The following GALNT2 variants were observed in gnomAD, a reference collection of about 807,000 sequenced individuals.
GALNT2 encodes UDP-GalNAc:polypeptide N-acetylgalactosaminyltransferase 2.
In GALNT2, 31 loss-of-function variants were observed where a neutral mutation model predicts 81.4. That is an observed-to-expected ratio of 0.38 (90% confidence interval 0.29 to 0.51). The LOEUF (loss-of-function observed/expected upper bound fraction) is 0.51. GALNT2 is among the 20% of genes least tolerant of loss of function. GALNT2 has a pLI of 0.87. For missense variants in GALNT2, 629 were observed against 765.7 expected (o/e 0.82, Z 2.11); for synonymous variants, 303 against 287.4 (o/e 1.05, Z -0.55).
At chr1:230,081,078 C>T (rs901770046) in intron 1 of GALNT2, among the ~76,000 whole-genome samples, 1 of 152,176 alleles carries the variant, frequency 6.6e-6, no homozygotes, top group Admixed American at 6.5e-5. Flanking sequence ...CTACTTTCCT[C>T]GAAAGCGCCT....
At chr1:230,133,740 C>T (rs906038927) in intron 1 of GALNT2, among the ~76,000 whole-genome samples, 1 of 152,152 alleles carries the variant, frequency 6.6e-6, no homozygotes, top group African/African-American at 2.4e-5. Context: ...CAGGCATTAG[C>T]GCCACACCTG....
intron 1 of GALNT2, among the ~76,000 whole-genome samples, chr1:230,169,517 C>T (rs985347103): frequency 6.6e-6 from 1 of 152,190 alleles, no homozygotes; most frequent in Non-Finnish European, 1.5e-5. Context: ...CTGTGCGTAG[C>T]TATAGGGATT....
chr1:230,231,742 C>T (rs1035361973), intron 3 of GALNT2, among the ~76,000 whole-genome samples: 1 of 152,134 alleles, frequency 6.6e-6, no homozygotes, highest in Non-Finnish European at 1.5e-5. Flanking sequence ...CAGATCTTTA[C>T]ATGTCCAGTT....
rs548732181 is a variant in GALNT2, at chr1:230,234,350, T to C, written c.375-1664T>C. On this transcript the variant is annotated intron_variant, in intron 3 of 15. Coordinates refer to ENST00000366672, the MANE Select transcript of GALNT2 (RefSeq NM_004481.5). ...TTATTTCTGAGGTCTGTGAATCTCC[T>C]TCTTTCAAAGCACTCAGCATGCCAA... Among the ~76,000 whole-genome samples, 9 of 152,324 alleles carry C rather than the reference T, an allele frequency of 5.9e-5. 2 individuals carry two copies. Among genetic ancestry groups the C allele is most frequent in the African/African-American group, 2.2e-4 (9 of 41,572 alleles).
intron 3 of GALNT2, among the ~76,000 whole-genome samples, chr1:230,209,701 G>C (rs1664174355): frequency 6.6e-6 from 1 of 152,156 alleles, no homozygotes; most frequent in African/African-American, 2.4e-5. Flanking sequence ...AAATTAGCTG[G>C]GCATAGTGGC....
chr1:230,059,839 T>C (rs1659002683), intron 1 of GALNT2, among the ~76,000 whole-genome samples: 1 of 152,222 alleles, frequency 6.6e-6, no homozygotes, highest in South Asian at 2.1e-4. Context: ...AGCTCGTGTA[T>C]GTCATGCCCC....
At chr1:230,105,331 A>G (rs1409044314) in intron 1 of GALNT2, among the ~76,000 whole-genome samples, 1 of 152,188 alleles carries the variant, frequency 6.6e-6, no homozygotes, top group African/African-American at 2.4e-5. Flanking sequence ...TTTGGTCAGG[A>G]CCAGAGCCGA....
intron 3 of GALNT2, among the ~76,000 whole-genome samples, chr1:230,220,049 T>A (rs752019583): frequency 6.6e-6 from 1 of 152,228 alleles, no homozygotes. Context: ...GTTAAAAAAA[T>A]ATCTAGAGAG....
At chr1:230,159,822 C>T (rs1426098320) in intron 1 of GALNT2, among the ~76,000 whole-genome samples, 7 of 152,208 alleles carry the variant, frequency 4.6e-5, no homozygotes, top group African/African-American at 1.7e-4. Context: ...TTCCTTGAAT[C>T]GCTGTTTCAT....
chr1:230,091,927 C>T (rs954871976), intron 1 of GALNT2: 7 of 152,390 alleles, frequency 4.6e-5, no homozygotes, highest in African/African-American at 1.4e-4. Context: ...TGCTTCCTGT[C>T]GTTGCTACTT....
In GALNT2 at chr1:230,222,120, G is replaced by A. The variant is rs544296384; in HGVS notation, c.375-13894G>A. 2.9e-4 allele frequency among the ~76,000 whole-genome samples: 42 copies of A among 144,858 alleles called. No individual in the cohort carries two copies. The South Asian group carries it at 3.0e-3, about 10-fold the overall frequency. The stretch of plus-strand genomic sequence containing the variant: ...CAGCTCACTGCAAGCTCTGCCTGCC[G>A]GGTTCACGCCATTCTCCTGTCTCAG... On this transcript the variant is annotated intron_variant, in intron 3 of 15. Coordinates refer to ENST00000366672, the MANE Select transcript of GALNT2 (RefSeq NM_004481.5).
At chr1:230,072,751 G>A (rs1485367517) in intron 1 of GALNT2, among the ~76,000 whole-genome samples, 1 of 152,178 alleles carries the variant, frequency 6.6e-6, no homozygotes, top group South Asian at 2.1e-4. Flanking sequence ...GTGCCCTCCG[G>A]TTCCTAGCTG....
chr1:230,121,299 G>A (rs1472572894), intron 1 of GALNT2, among the ~76,000 whole-genome samples: 3 of 152,258 alleles, frequency 2.0e-5, no homozygotes, highest in Non-Finnish European at 2.9e-5. Flanking sequence ...CACCTGAGGA[G>A]GCGCTGTCTT....
intron 1 of GALNT2, among the ~76,000 whole-genome samples, chr1:230,080,095 G>T (rs1024133567): frequency 1.1e-4 from 17 of 152,212 alleles, no homozygotes; most frequent in Non-Finnish European, 1.8e-4. Flanking sequence ...ATAGGTTTTA[G>T]TTTAGAGGAT....
chr1:230,091,979 G>A (rs1660098503), intron 1 of GALNT2: 1 of 152,186 alleles, frequency 6.6e-6, no homozygotes, highest in Non-Finnish European at 1.5e-5. Context: ...CAGTTACCTG[G>A]TTACTGACTT....
In GALNT2 at chr1:230,275,109, C is replaced by CAT. The variant is rs976343130; in HGVS notation, c.1560+553_1560+554dup. On this transcript the variant is annotated intron_variant, in intron 15 of 15. Transcript: ENST00000366672. The surrounding 1 kb of genome is among the most constrained non-coding windows in gnomAD (Gnocchi z 5.5). Reference sequence around the variant, plus strand: ...CATATATATACATGTATACACACCACATATATATACATATATATACACACC... The same window carrying CAT: ...CATATATATACATGTATACACACCACATATATATATACATATATATACACACC... Among the ~76,000 whole-genome samples the CAT allele has an allele frequency of 7.2e-6, 1 of 139,002 alleles. No homozygotes were observed. The highest frequency in any genetic ancestry group is 3.3e-5 in the African/African-American group (1 of 30,368). 91.2% of individuals were successfully genotyped at this position (139,002 alleles called of 152,430 possible). A position where few individuals can be genotyped will look rare whatever the true frequency, so the allele number is the denominator to read the frequency against.
intron 5 of GALNT2, 90 bp downstream of exon 5, chr1:230,236,510 AG>A: frequency 6.8e-7 from 1 of 1,461,240 alleles, no homozygotes; most frequent in Non-Finnish European, 9.5e-7. Flanking sequence ...GGCGTGAACA[AG>A]CCAGAAATCA....
intron 3 of GALNT2, among the ~76,000 whole-genome samples, chr1:230,230,988 C>T (rs74143138): frequency 0.34 from 50,811 of 151,640 alleles, 8,558 homozygotes; most frequent in African/African-American, 0.37. Context: ...AATATGTTTC[C>T]TCATCTTCTC....
At chr1:230,260,077 T>C (rs1665829658) in intron 11 of GALNT2, among the ~76,000 whole-genome samples, 1 of 152,210 alleles carries the variant, frequency 6.6e-6, no homozygotes, top group African/African-American at 2.4e-5. Context: ...CATTGTTAAA[T>C]TTTTTGCAAA....
Sources: allele counts gnomAD v4.1 joint callset (sites outside exome capture counted in the v4.1 genomes callset), GRCh38; gene constraint gnomAD v4.1.1; non-coding constraint Gnocchi (gnomAD v3.1); transcripts MANE v1.5; gene names NCBI Gene and HGNC (gene_info 2026-07-23, HGNC 2026-07-21).